The following RNF157 variants were observed in gnomAD, a reference collection of about 807,000 sequenced individuals.
RNF157 encodes ring finger protein 157.
A neutral mutation model predicts 88.3 loss-of-function variants in RNF157; 55 were observed. The observed-to-expected ratio is 0.62, with a 90% CI of 0.50 to 0.78. The LOEUF (loss-of-function observed/expected upper bound fraction) is 0.78. RNF157 is among the 30% of genes least tolerant of loss of function. The pLI is 0.00. For synonymous variants in RNF157, 334 were observed against 341.2 expected (o/e 0.98, Z 0.23); for missense variants, 788 against 860.8 (o/e 0.92, Z 1.06).
rs1291834400 is a variant in RNF157 at position 76,157,395 on chromosome 17, T to C, written c.1413+998A>G. ...GTGAAGCACTCACTGTGCCCCTGGC[T>C]TGCTCCGAGCCCCGACTTCCTGCTC... On this transcript the variant is annotated intron_variant, in intron 13 of 18. Transcript: ENST00000269391. The surrounding 1 kb of genome is among the most constrained non-coding windows in gnomAD (Gnocchi z 5.6). Among the ~76,000 whole-genome samples, 1 of 152,246 alleles carries C rather than the reference T, an allele frequency of 6.6e-6. No homozygotes were observed. The highest frequency in any genetic ancestry group is 2.4e-5 in the African/African-American group (1 of 41,462).
intron 2 of RNF157, among the ~76,000 whole-genome samples, chr17:76,210,012 C>G (rs1319226748): frequency 6.6e-6 from 1 of 152,068 alleles, no homozygotes; most frequent in Non-Finnish European, 1.5e-5. Flanking sequence ...CCCGCCTCGG[C>G]CTCCCAGAGT....
At chr17:76,222,552 T>C (rs905336432) in intron 1 of RNF157, among the ~76,000 whole-genome samples, 56 of 152,306 alleles carry the variant, frequency 3.7e-4, no homozygotes, top group African/African-American at 1.3e-3. Flanking sequence ...CTTCCAAGCA[T>C]GTATCGTAAG....
chr17:76,229,472 C>A lies in RNF157; in HGVS notation c.88+10681G>T, dbSNP rs930481540. 5.2e-4 allele frequency among the ~76,000 whole-genome samples: 79 copies of A among 152,306 alleles called. 1 individual carries two copies. Among genetic ancestry groups the A allele is most frequent in the Non-Finnish European group, 6.9e-4 (47 of 68,018 alleles). On this transcript the variant is annotated intron_variant, in intron 1 of 18. Coordinates refer to ENST00000269391, the MANE Select transcript of RNF157 (RefSeq NM_052916.3). The stretch of plus-strand genomic sequence containing the variant: ...CACATGTGTATAGAAGCTGGCTAAG[C>A]CCAGTGGGCAACTGATAAATTTTGG...
intron 3 of RNF157, 113 bp from the exon 4 acceptor site, chr17:76,167,910 T>A: frequency 2.0e-6 from 2 of 1,002,804 alleles, no homozygotes; most frequent in South Asian, 1.6e-5. Context: ...TAAGCATAGG[T>A]CTACCTCTTC....
chr17:76,145,991 G>A (rs2068579569), intron 18 of RNF157, among the ~76,000 whole-genome samples: 1 of 152,168 alleles, frequency 6.6e-6, no homozygotes, highest in Non-Finnish European at 1.5e-5. Flanking sequence ...ACCAGCCCAA[G>A]AGCCTCGGGG....
intron 16 of RNF157, 143 bp from the exon 17 acceptor site, chr17:76,154,471 C>G: frequency 1.5e-6 from 1 of 683,086 alleles, no homozygotes; most frequent in Non-Finnish European, 2.7e-6. Flanking sequence ...GTTTAATATG[C>G]CTCAGAGGCT....
chr17:76,188,935 T>G (rs2069338038), intron 2 of RNF157, among the ~76,000 whole-genome samples: 1 of 152,206 alleles, frequency 6.6e-6, no homozygotes, highest in Non-Finnish European at 1.5e-5. Flanking sequence ...TTTCCCAAAG[T>G]CTATAATCCT....
At chr17:76,170,463 T>C (rs1292038000) in intron 3 of RNF157, among the ~76,000 whole-genome samples, 3 of 152,206 alleles carry the variant, frequency 2.0e-5, no homozygotes, top group African/African-American at 7.2e-5. Context: ...TTTTTAGTAC[T>C]GGCCATTAGC....
At chr17:76,149,648 T>C (rs1257280663) in intron 18 of RNF157, among the ~76,000 whole-genome samples, 3 of 152,182 alleles carry the variant, frequency 2.0e-5, no homozygotes, top group African/African-American at 7.2e-5. Context: ...ACATTCTGCC[T>C]AGAGAGACGT....
At position 76,155,548 on chromosome 17, in the gene RNF157, G is replaced by A. The variant is rs372761404; in HGVS notation, c.1698+14C>T. The A allele has an allele frequency of 5.5e-5, 88 of 1,610,024 alleles. No individual in the cohort carries two copies. Among genetic ancestry groups the A allele is most frequent in the Non-Finnish European group, 7.0e-5 (83 of 1,178,606 alleles). On this transcript the variant is annotated intron_variant, in intron 15 of 18. Transcript: ENST00000269391. ...GAACAGAGAAGCCAGGGCGGTTCCC[G>A]TCCCTTCCCTTACCTCTCCTTCTTC...
At chr17:76,214,184 G>A (rs2069849961) in intron 1 of RNF157, among the ~76,000 whole-genome samples, 2 of 152,088 alleles carry the variant, frequency 1.3e-5, no homozygotes, top group Non-Finnish European at 2.9e-5. Context: ...CTGTGGGATG[G>A]GACACTATCT....
At chr17:76,153,822 G>A (rs746814585) in intron 17 of RNF157, 9 of 158,322 alleles carry the variant, frequency 5.7e-5, no homozygotes, top group African/African-American at 7.2e-5. Flanking sequence ...CTCTTTTACA[G>A]TAATGTTGAC....
chr17:76,178,766 AG>A (rs1392126613), intron 2 of RNF157, among the ~76,000 whole-genome samples: 1 of 152,138 alleles, frequency 6.6e-6, no homozygotes. Context: ...GGTTGCAAAG[AG>A]GTTGAAAAAC....
intron 2 of RNF157, among the ~76,000 whole-genome samples, chr17:76,178,619 G>A (rs1244762642): frequency 1.3e-5 from 2 of 152,222 alleles, no homozygotes; most frequent in Non-Finnish European, 2.9e-5. Context: ...AGCCAGAAAA[G>A]TGACACCCCA....
chr17:76,238,968 T>G (rs2070327206), intron 1 of RNF157, among the ~76,000 whole-genome samples: 2 of 152,230 alleles, frequency 1.3e-5, no homozygotes, highest in African/African-American at 4.8e-5. Context: ...TCTGCAGGGA[T>G]GCGGGCAGGT....
chr17:76,179,369 G>A (rs1024505680), intron 2 of RNF157, among the ~76,000 whole-genome samples: 8 of 152,012 alleles, frequency 5.3e-5, no homozygotes. Flanking sequence ...ACTCCAGCTT[G>A]GGGGAGAGAG....
chr17:76,235,201 T>TC (rs1378545851), intron 1 of RNF157, among the ~76,000 whole-genome samples: 1 of 145,732 alleles, frequency 6.9e-6, no homozygotes, highest in Non-Finnish European at 1.5e-5. Flanking sequence ...GTAGGTTACT[T>TC]TTTTTTTTTT....
Position 76,155,595 on chromosome 17 carries a change from C to T in RNF157, c.1665G>A (p.Gln555=), listed in dbSNP as rs747501787. 9.7e-5 allele frequency: 156 copies of T among 1,612,860 alleles called. No homozygotes were observed. The highest frequency in any genetic ancestry group is 1.3e-4 in the Non-Finnish European group (151 of 1,179,708). Residue 555 remains glutamine (Q), a synonymous_variant, in exon 15 of 19, where the codon CAG becomes CAA. Transcript: ENST00000269391. ...CTTCTGAGGGGGCCCTGCTGGCAGGCTGGGGGGAAGAGAGAGCCTCTCCCT... is the reference window on the plus strand; with the variant it reads ...CTTCTGAGGGGGCCCTGCTGGCAGGTTGGGGGGAAGAGAGAGCCTCTCCCT... The part of the protein sequence containing the change: ...EEEGEALSSP[Q]PASRAPSEEG...
In RNF157 at chr17:76,157,944, G is replaced by A. The variant is rs541007126; in HGVS notation, c.1413+449C>T. Among the ~76,000 whole-genome samples the A allele has an allele frequency of 2.6e-5, 4 of 150,994 alleles. No homozygotes were observed. The highest frequency in any genetic ancestry group is 2.1e-4 in the South Asian group (1 of 4,752). ...CCCAGACCTAGGGCCCTCTCTCCTCGTATATCTGCATAGCTAGCTCTACCA... is the reference window on the plus strand; with the variant it reads ...CCCAGACCTAGGGCCCTCTCTCCTCATATATCTGCATAGCTAGCTCTACCA... On this transcript the variant is annotated intron_variant, in intron 13 of 18. Coordinates refer to ENST00000269391, the MANE Select transcript of RNF157 (RefSeq NM_052916.3). The surrounding 1 kb of genome is among the most constrained non-coding windows in gnomAD (Gnocchi z 5.6).
Sources: allele counts gnomAD v4.1 joint callset (sites outside exome capture counted in the v4.1 genomes callset), GRCh38; gene constraint gnomAD v4.1.1; non-coding constraint Gnocchi (gnomAD v3.1); transcripts MANE v1.5; gene names NCBI Gene and HGNC (gene_info 2026-07-23, HGNC 2026-07-21).